Variants in MCFD2 observed in about 807,000 individuals in gnomAD.
MCFD2 encodes multiple coagulation factor deficiency 2, ER cargo receptor complex subunit.
Under a neutral mutation model 12.8 loss-of-function variants are expected in MCFD2, and 11 were observed. That is an observed-to-expected ratio of 0.86 (90% CI 0.54 to 1.42). The LOEUF (loss-of-function observed/expected upper bound fraction) is 1.42. Ranked by LOEUF, MCFD2 falls within the 40% of genes most tolerant of loss-of-function variation. The pLI is 0.00. For synonymous variants in MCFD2, 70 were observed against 68.1 expected (o/e 1.03, Z -0.14); for missense variants, 191 against 178.6 (o/e 1.07, Z -0.40).
Position 46,941,258 on chromosome 2 carries a change from C to CGCCAGG in MCFD2, c.-8+308_-8+313dup, listed in dbSNP as rs1490666772. The CGCCAGG allele has an allele frequency of 6.4e-6, 1 of 156,248 alleles. No individual in the cohort carries two copies. Among genetic ancestry groups the CGCCAGG allele is most frequent in the Non-Finnish European group, 1.4e-5 (1 of 71,704 alleles). The allele number at this position is 156,248 out of a possible 1,614,324, so 9.7% of individuals were successfully genotyped here. A position where few individuals can be genotyped will look rare whatever the true frequency, so the allele number is the denominator to read the frequency against. ...GCTGCAGCGGCGGCGGCGGCGGCAG[C>CGCCAGG]GCCAGGAGCTGCTACAGCAGAGGCG... is the stretch of plus-strand genomic sequence containing the variant. On this transcript the variant is annotated intron_variant, in intron 1 of 2. Coordinates refer to the MCFD2 transcript ENST00000409147. This position sits in a 1 kb window ranked among gnomAD's most constrained non-coding sequence, Gnocchi z 4.2.
chr2:46,905,994 G>C (rs1201126296), intron 3 of MCFD2: 1 of 472,388 alleles, frequency 2.1e-6, no homozygotes, highest in African/African-American at 2.0e-5. Context: ...TGATAAAATA[G>C]AAACAGTGAC....
At chr2:46,917,713 C>T (rs374738568), upstream of MCFD2, among the ~76,000 whole-genome samples, 1 of 152,210 alleles carries the variant, frequency 6.6e-6, no homozygotes. Flanking sequence ...TTTTCTCCCC[C>T]ACCATACCAC....
At position 46,937,495 on chromosome 2, in the gene MCFD2, A is replaced by G. The variant is rs1670039365; in HGVS notation, c.-8+4077T>C. On this transcript the variant is annotated intron_variant, in intron 1 of 2. Transcript: ENST00000409147. This position sits in a 1 kb window ranked among gnomAD's most constrained non-coding sequence, Gnocchi z 4.0. ...TGGGACTTCGAATTGTTTTAGGAACATATCATCCAGAGCAGCCAGATTTAT... is the reference window on the plus strand; with the variant it reads ...TGGGACTTCGAATTGTTTTAGGAACGTATCATCCAGAGCAGCCAGATTTAT... 6.6e-6 allele frequency among the ~76,000 whole-genome samples: 1 copy of G among 152,256 alleles called. No individual in the cohort carries two copies. Among genetic ancestry groups the G allele is most frequent in the South Asian group, 2.1e-4 (1 of 4,838 alleles).
intron 1 of MCFD2, among the ~76,000 whole-genome samples, chr2:46,933,257 G>A (rs561018715): frequency 2.6e-5 from 4 of 152,288 alleles, no homozygotes; most frequent in African/African-American, 7.2e-5. Flanking sequence ...TGGGAGGGAG[G>A]GCAGTGCCTG....
At chr2:46,922,986 T>C (rs183184058) in intron 1 of MCFD2, among the ~76,000 whole-genome samples, 4 of 152,286 alleles carry the variant, frequency 2.6e-5, no homozygotes, top group Admixed American at 2.0e-4. Context: ...TACAGTTTAT[T>C]ACAAAGGCTA....
At chr2:46,933,572 G>A (rs896135846) in intron 1 of MCFD2, among the ~76,000 whole-genome samples, 5 of 152,216 alleles carry the variant, frequency 3.3e-5, no homozygotes, top group African/African-American at 9.7e-5. Context: ...GGCTGGTTCA[G>A]TATTGAAATT....
upstream of MCFD2, chr2:46,915,988 C>T (rs922452291): frequency 2.0e-6 from 2 of 985,340 alleles, no homozygotes; most frequent in Non-Finnish European, 2.4e-6. Context: ...TACCTGCTTT[C>T]CCAAGGGCGA....
At position 46,908,552 on chromosome 2, in the gene MCFD2, C is replaced by G; in HGVS notation, c.149+471G>C. On this transcript the variant is annotated intron_variant, in intron 2 of 3. Transcript: ENST00000319466. The surrounding 1 kb of genome is among the most constrained non-coding windows in gnomAD (Gnocchi z 4.5). ...GCACTGGGATTACAGGTGTGAGCCA[C>G]TGCACCCAGCCTTAAAAACAAAGGA... The G allele has an allele frequency of 7.3e-6, 2 of 274,218 alleles. No homozygotes were observed. The highest frequency in any genetic ancestry group is 1.0e-4 in the Admixed American group (2 of 19,620). 17.0% of individuals were successfully genotyped at this position (274,218 alleles called of 1,614,324 possible). A position where few individuals can be genotyped will look rare whatever the true frequency, so the allele number is the denominator to read the frequency against.
Position 46,904,853 on chromosome 2 carries a change from AGG to A in MCFD2, c.*608_*609del, listed in dbSNP as rs1668152087. 1.8e-5 allele frequency: 3 copies of A among 166,308 alleles called. No individual in the cohort carries two copies. Among genetic ancestry groups the A allele is most frequent in the Non-Finnish European group, 4.0e-5 (3 of 75,948 alleles). 10.3% of individuals were successfully genotyped at this position (166,308 alleles called of 1,614,324 possible). A position where few individuals can be genotyped will look rare whatever the true frequency, so the allele number is the denominator to read the frequency against. ...TGAATAGTGAGGACATGAGATTTGGAGGGGCCAGGGGTAGAATGATATGGTTT... is the reference window on the plus strand; with the variant it reads ...TGAATAGTGAGGACATGAGATTTGGAGGCCAGGGGTAGAATGATATGGTTT... On this transcript the variant is annotated 3_prime_UTR_variant, in exon 4 of 4. Coordinates refer to ENST00000319466, the MANE Select transcript of MCFD2 (RefSeq NM_139279.6).
rs1000739183 is a variant in MCFD2 at position 46,940,062 on chromosome 2, G to T, written c.-8+1510C>A. On this transcript the variant is annotated intron_variant, in intron 1 of 2. Transcript: ENST00000409147. The surrounding 1 kb of genome is among the most constrained non-coding windows in gnomAD (Gnocchi z 4.7). ...GCCTCCACATGGGAGTCGGGGGTCA[G>T]TGGGAACAGGAAGACTGTCTTCAAC... 1.3e-5 allele frequency among the ~76,000 whole-genome samples: 2 copies of T among 152,174 alleles called. No homozygotes were observed. The highest frequency in any genetic ancestry group is 2.9e-5 in the Non-Finnish European group (2 of 68,036).
upstream of MCFD2, among the ~76,000 whole-genome samples, chr2:46,919,403 C>A (rs1175571857): frequency 6.6e-6 from 1 of 152,080 alleles, no homozygotes; most frequent in Non-Finnish European, 1.5e-5. Flanking sequence ...TGTGGTGACG[C>A]ATGCTTGTAA....
At position 46,908,755 on chromosome 2, in the gene MCFD2, GTGTC is replaced by G. The variant is rs1184859063; in HGVS notation, c.149+264_149+267del. On this transcript the variant is annotated intron_variant, in intron 2 of 3. Transcript: ENST00000319466. This position sits in a 1 kb window ranked among gnomAD's most constrained non-coding sequence, Gnocchi z 4.5. Reference sequence around the variant, plus strand: ...CCTGTGTGTCTATTTGTATGTGTGTGTGTCTGTCTGTGGTGAAAAAAAGGAGAGA... The same window carrying G: ...CCTGTGTGTCTATTTGTATGTGTGTGTGTCTGTGGTGAAAAAAAGGAGAGA... 4.1e-5 allele frequency: 21 copies of G among 513,794 alleles called. No homozygotes were observed. The highest frequency in any genetic ancestry group is 3.1e-4 in the South Asian group (15 of 49,148). 31.8% of individuals were successfully genotyped at this position (513,794 alleles called of 1,614,324 possible).
chr2:46,916,953 G>A (rs1305705720), upstream of MCFD2, among the ~76,000 whole-genome samples: 1 of 150,828 alleles, frequency 6.6e-6, no homozygotes, highest in African/African-American at 2.4e-5. Flanking sequence ...TTTTTTTAAA[G>A]CCCTTCTCCC....
intron 1 of MCFD2, among the ~76,000 whole-genome samples, chr2:46,909,685 G>A (rs763541577): frequency 1.2e-4 from 19 of 152,170 alleles, no homozygotes; most frequent in Non-Finnish European, 2.6e-4. Context: ...GGAATGGTGG[G>A]AGCAGAGTGG....
chr2:46,917,286 C>G (rs748051187), upstream of MCFD2: 19 of 670,214 alleles, frequency 2.8e-5, no homozygotes, highest in Non-Finnish European at 4.8e-5. Flanking sequence ...GGGTGAGCCA[C>G]CGCGCCGGGA....
intron 1 of MCFD2, among the ~76,000 whole-genome samples, chr2:46,920,809 C>G (rs1422142197): frequency 6.6e-6 from 1 of 152,070 alleles, no homozygotes; most frequent in Non-Finnish European, 1.5e-5. Flanking sequence ...TCTCCCCTGC[C>G]TGAGGATATT....
intron 1 of MCFD2, among the ~76,000 whole-genome samples, chr2:46,934,527 A>G (rs544627649): frequency 1.3e-5 from 2 of 151,620 alleles, no homozygotes; most frequent in Admixed American, 6.6e-5. Context: ...ACCCACCTCA[A>G]CCTCCCAAAT....
chr2:46,940,535 T>C lies in MCFD2; in HGVS notation c.-8+1037A>G, dbSNP rs546151585. Among the ~76,000 whole-genome samples the C allele has an allele frequency of 6.6e-6, 1 of 152,336 alleles. No individual in the cohort carries two copies. The highest frequency in any genetic ancestry group is 2.4e-5 in the African/African-American group (1 of 41,582). ...ACCCTGCTAAGCACTCCATAGAGCT[T>C]TGATCACAGTCTTAGACCAGCATGA... is the stretch of plus-strand genomic sequence containing the variant. On this transcript the variant is annotated intron_variant, in intron 1 of 2. Coordinates refer to the MCFD2 transcript ENST00000409147. The surrounding 1 kb of genome is among the most constrained non-coding windows in gnomAD (Gnocchi z 4.7).
intron 3 of MCFD2, among the ~76,000 whole-genome samples, chr2:46,906,238 T>C (rs1477980478): frequency 1.3e-5 from 2 of 152,054 alleles, no homozygotes; most frequent in African/African-American, 4.8e-5. Flanking sequence ...CCCTAATTCC[T>C]CCGCCTAACA....
Sources: allele counts gnomAD v4.1 joint callset (sites outside exome capture counted in the v4.1 genomes callset), GRCh38; gene constraint gnomAD v4.1.1; non-coding constraint Gnocchi (gnomAD v3.1); transcripts MANE v1.5; gene names NCBI Gene and HGNC (gene_info 2026-07-23, HGNC 2026-07-21).